RMC1: variants seen among roughly 807,000 people sequenced by gnomAD.
The protein encoded by RMC1 is regulator of MON1-CCZ1.
Under a neutral mutation model 95.5 loss-of-function variants are expected in RMC1, and 44 were observed. That is an observed-to-expected ratio of 0.46 (90% CI 0.36 to 0.59). The LOEUF (loss-of-function observed/expected upper bound fraction) is 0.59. RMC1 is among the 20% of genes least tolerant of loss of function. The pLI is 0.00. For synonymous variants in RMC1, 320 were observed against 303.6 expected (o/e 1.05, Z -0.56); for missense variants, 705 against 819.6 (o/e 0.86, Z 1.71).
At position 23,531,081 on chromosome 18, in the gene RMC1, G is replaced by A. The variant is rs536169687; in HGVS notation, c.1894+469G>A. Among the ~76,000 whole-genome samples the A allele has an allele frequency of 1.1e-4, 17 of 150,766 alleles. 1 individual carries two copies. The highest frequency in any genetic ancestry group is 3.5e-3 in the Middle Eastern group (1 of 288). ...GTGATCTCGGTTCACTGCAACCTCCGCTGGGTTCAAGCGATTCTTCTGCCT... is the reference window on the plus strand; with the variant it reads ...GTGATCTCGGTTCACTGCAACCTCCACTGGGTTCAAGCGATTCTTCTGCCT... On this transcript the variant is annotated intron_variant, in intron 19 of 19. Transcript: ENST00000269221.
chr18:23,513,367 T>C (rs1208365461), intron 5 of RMC1, among the ~76,000 whole-genome samples: 1 of 152,258 alleles, frequency 6.6e-6, no homozygotes, highest in Non-Finnish European at 1.5e-5. Flanking sequence ...TGCCATAGCA[T>C]GTGATAGGGT....
In RMC1 at chr18:23,503,597, C is replaced by T. The variant is rs2057644491; in HGVS notation, c.-22C>T. The T allele has an allele frequency of 6.5e-7, 1 of 1,537,682 alleles. No homozygotes were observed. The highest frequency in any genetic ancestry group is 1.9e-5 in the Admixed American group (1 of 51,424). On this transcript the variant is annotated 5_prime_UTR_variant, in exon 1 of 20. Coordinates refer to ENST00000269221, the MANE Select transcript of RMC1 (RefSeq NM_013326.5). The stretch of plus-strand genomic sequence containing the variant: ...CTCTGGCGACCGCCCCCGGGGCCCC[C>T]GCCGCGGGCGCGGCGCCCGCCATGG...
chr18:23,526,784 C>T lies in RMC1; in HGVS notation c.1189+19C>T, dbSNP rs1202499443. 1.9e-6 allele frequency: 3 copies of T among 1,612,286 alleles called. No homozygotes were observed. In the African/African-American group the frequency reaches 4.0e-5, roughly 22 times the overall value. On this transcript the variant is annotated intron_variant, in intron 13 of 19. Transcript: ENST00000269221. ...TCACAGAGTAAGTTGAATCCTTCCC[C>T]CTTGCTCTGATTCCAGTGTGAGGCC... is the stretch of plus-strand genomic sequence containing the variant.
intron 14 of RMC1, 120 bp from the exon 15 acceptor site, chr18:23,529,055 GAGAA>G: frequency 1.0e-5 from 15 of 1,454,782 alleles, no homozygotes; most frequent in Non-Finnish European, 1.4e-5. Flanking sequence ...TATCTAAGTA[GAGAA>G]AGTGTTTTCC....
chr18:23,530,478 G>A lies in RMC1; in HGVS notation c.1760G>A (p.Gly587Asp). 6.2e-7 allele frequency: 1 copy of A among 1,614,234 alleles called. No individual in the cohort carries two copies. The change falls in exon 19 of 20, where the codon GGC becomes GAC. Residue 587 changes from glycine (G) to aspartate (D), a missense_variant. Coordinates refer to ENST00000269221, the MANE Select transcript of RMC1 (RefSeq NM_013326.5). ...TTAAGGTTTATCCGGGGCATTGGTG[G>A]CCATGACAACATTTCTGCACGAAAA... The part of the protein sequence containing the change: ...AALRFIRGIG[G>D]HDNISARKFL...
Position 23,506,604 on chromosome 18 carries a change from G to T in RMC1, c.180-366G>T, listed in dbSNP as rs530642598. The T allele has an allele frequency of 2.0e-4, 47 of 238,930 alleles. 2 individuals are homozygous for T. In the South Asian group the frequency reaches 2.2e-3, roughly 11 times the overall value. The allele number at this position is 238,930 out of a possible 1,614,324, so 14.8% of individuals were successfully genotyped here. On this transcript the variant is annotated intron_variant, in intron 2 of 19. Transcript: ENST00000269221. Reference sequence around the variant, plus strand: ...ATCTGGGTTGCATAATGAATGTGCTGTGAGATGCACAAGTAGATAGTTCTT... The same window carrying T: ...ATCTGGGTTGCATAATGAATGTGCTTTGAGATGCACAAGTAGATAGTTCTT...
intron 12 of RMC1, 104 bp downstream of exon 12, chr18:23,524,586 C>T: frequency 3.2e-5 from 38 of 1,188,310 alleles, no homozygotes; most frequent in Non-Finnish European, 4.7e-5. Context: ...TAGAAATGAC[C>T]CCTCCTTTCA....
At chr18:23,505,120 C>G (rs1183898860) in intron 2 of RMC1, among the ~76,000 whole-genome samples, 4 of 152,100 alleles carry the variant, frequency 2.6e-5, no homozygotes, top group South Asian at 4.1e-4. Context: ...TGCAGTGGTG[C>G]GATCTTGGCT....
intron 13 of RMC1, among the ~76,000 whole-genome samples, chr18:23,527,549 G>A (rs540184360): frequency 2.0e-5 from 3 of 151,192 alleles, no homozygotes; most frequent in East Asian, 1.9e-4. Flanking sequence ...CCAAAGTGCT[G>A]GGATTATAGG....
At chr18:23,528,166 A>G (rs1598910983) in intron 14 of RMC1, 1 of 343,576 alleles carries the variant, frequency 2.9e-6, no homozygotes, top group East Asian at 5.7e-5. Context: ...TCTTGCCTGT[A>G]GATCCTTGGT....
intron 13 of RMC1, 126 bp from the exon 14 acceptor site, chr18:23,527,669 G>T: frequency 1.5e-6 from 1 of 654,936 alleles, no homozygotes; most frequent in Non-Finnish European, 2.7e-6. Context: ...TTAAAGTAGA[G>T]TGTCCTTTAA....
chr18:23,505,393 G>C (rs565254147), intron 2 of RMC1, among the ~76,000 whole-genome samples: 1 of 152,138 alleles, frequency 6.6e-6, no homozygotes, highest in Non-Finnish European at 1.5e-5. Context: ...GATGGGGTTC[G>C]AGCATGGTGT....
intron 12 of RMC1, among the ~76,000 whole-genome samples, 167 bp downstream of exon 12, chr18:23,524,649 G>A (rs2058240956): frequency 6.6e-6 from 1 of 151,564 alleles, no homozygotes; most frequent in Admixed American, 6.6e-5. Flanking sequence ...TACTATATGT[G>A]CATTTTATCA....
intron 3 of RMC1, 49 bp downstream of exon 3, chr18:23,507,103 T>C (rs776749710): frequency 1.5e-6 from 2 of 1,339,924 alleles, no homozygotes; most frequent in Non-Finnish European, 2.1e-6. Context: ...AGAAATACAT[T>C]TGGAAGAGAA....
rs772460759 is a variant in RMC1, at chr18:23,503,717, G to C, written c.99G>C (p.Lys33Asn). 1 of 1,587,532 alleles carries C rather than the reference G, an allele frequency of 6.3e-7. No homozygotes were observed. Among genetic ancestry groups the C allele is most frequent in the Non-Finnish European group, 8.6e-7 (1 of 1,167,940 alleles). Residue 33 changes from lysine (K) to asparagine (N), a missense_variant, in exon 1 of 20, where the codon AAG (lysine) becomes AAC (asparagine). Transcript: ENST00000269221. ...VNCVFFDEAN[K>N]QVFAVRSGGA... is the part of the protein sequence containing the mutation. Reference sequence around the variant, plus strand: ...GCGTCTTCTTCGATGAGGCCAACAAGCAGGTCCGGCGCGCCCGCGCTTCCT... The same window carrying C: ...GCGTCTTCTTCGATGAGGCCAACAACCAGGTCCGGCGCGCCCGCGCTTCCT...
At chr18:23,523,636 C>T (rs2058209417) in intron 10 of RMC1, among the ~76,000 whole-genome samples, 1 of 150,540 alleles carries the variant, frequency 6.6e-6, no homozygotes, top group East Asian at 2.0e-4. Context: ...GGCAGGAGGA[C>T]CACTTGAGCC....
chr18:23,518,902 G>A lies in RMC1; in HGVS notation c.666G>A (p.Leu222=), dbSNP rs779798551. 3 of 1,614,118 alleles carry A rather than the reference G, an allele frequency of 1.9e-6. No individual in the cohort carries two copies. In the South Asian group the frequency reaches 3.3e-5, roughly 18 times the overall value. The part of the protein sequence containing the change: ...DIAMATIYGQ[L]YVLFLRHHSR... ...GTTCCCTAATTAGATACGGGCAGCT[G>A]TATGTTCTCTTCTTGAGGCATCATT... Residue 222 remains leucine (L), a synonymous_variant, in exon 8 of 20, where the codon CTG becomes CTA. Coordinates refer to ENST00000269221, the MANE Select transcript of RMC1 (RefSeq NM_013326.5).
Position 23,507,041 on chromosome 18 carries a change from C to T in RMC1, c.251C>T (p.Thr84Ile). The change falls in exon 3 of 20, where the codon ACC (threonine) becomes ATC (isoleucine). Residue 84 changes from threonine (T) to isoleucine (I), a missense_variant. Physicochemically the swap from Thr to Ile is moderately conservative, Grantham distance 89. Coordinates refer to ENST00000269221, the MANE Select transcript of RMC1 (RefSeq NM_013326.5). The part of the protein sequence containing the change: ...LENKILAVQR[T>I]SKTVDFCNFI... ...AATAAGATATTGGCTGTTCAGAGGACCTCAAAGACTGTGGTAAGACTTATC... is the reference window on the plus strand; with the variant it reads ...AATAAGATATTGGCTGTTCAGAGGATCTCAAAGACTGTGGTAAGACTTATC... 1 of 1,602,886 alleles carries T rather than the reference C, an allele frequency of 6.2e-7. No homozygotes were observed. Among genetic ancestry groups the T allele is most frequent in the Non-Finnish European group, 8.5e-7 (1 of 1,172,822 alleles).
intron 19 of RMC1, among the ~76,000 whole-genome samples, chr18:23,530,878 TAGC>T (rs1473332129): frequency 6.6e-6 from 1 of 152,168 alleles, no homozygotes. Context: ...CCATCTCTTA[TAGC>T]AGATCTTGGA....
Sources: allele counts gnomAD v4.1 joint callset (sites outside exome capture counted in the v4.1 genomes callset), GRCh38; gene constraint gnomAD v4.1.1; transcripts MANE v1.5; gene names NCBI Gene and HGNC (gene_info 2026-07-23, HGNC 2026-07-21).